Variants in RPS6KA2 observed in about 807,000 individuals in gnomAD.
RPS6KA2 encodes the protein ribosomal protein S6 kinase A2, also known as ribosomal protein S6 kinase alpha-2.
Under a neutral mutation model 91.8 loss-of-function variants are expected in RPS6KA2, and 42 were observed. The ratio of observed to expected loss-of-function variants is 0.46; its 90% CI spans 0.36 to 0.59. The LOEUF (loss-of-function observed/expected upper bound fraction) is 0.59, where lower values mean the gene tolerates loss of function less well. Among genes scored for constraint, RPS6KA2 ranks in the 20% least tolerant of loss-of-function variants. RPS6KA2 has a pLI of 0.00. For missense variants in RPS6KA2, 798 were observed against 978.5 expected, an observed-to-expected ratio of 0.82 and a Z score of 2.46; for synonymous variants, 414 against 393.6, an observed-to-expected ratio of 1.05 and a Z score of -0.61.
intron 16 of RPS6KA2, among the ~76,000 whole-genome samples, 188 bp downstream of exon 16, chr6:166,430,265 G>T (rs985246438): frequency 6.6e-6 from 1 of 152,148 alleles, no homozygotes; most frequent in African/African-American, 2.4e-5. Context: ...ACTGCACCCG[G>T]CTGGGAAGAG....
intron 14 of RPS6KA2, among the ~76,000 whole-genome samples, chr6:166,436,784 G>T (rs539067995): frequency 2.6e-4 from 40 of 152,302 alleles, no homozygotes; most frequent in African/African-American, 9.1e-4. Context: ...ACAGACTGGG[G>T]TCTCTCCTGC....
At chr6:166,718,927 T>G (rs186289027) in intron 2 of RPS6KA2, among the ~76,000 whole-genome samples, 1 of 152,236 alleles carries the variant, frequency 6.6e-6, no homozygotes, top group African/African-American at 2.4e-5. Context: ...CTTATTTGTG[T>G]GTCTGTATAC....
intron 2 of RPS6KA2, among the ~76,000 whole-genome samples, chr6:166,685,933 G>A (rs1475304290): frequency 2.0e-5 from 3 of 152,186 alleles, no homozygotes; most frequent in Admixed American, 1.3e-4. Context: ...TGGACGATGG[G>A]CCCATGCCCT....
chr6:166,538,620 C>CT, intron 2 of RPS6KA2, 48 bp downstream of exon 2: 2 of 1,089,336 alleles, frequency 1.8e-6, no homozygotes, highest in Non-Finnish European at 2.8e-6. Flanking sequence ...TCCAGGTGTC[C>CT]TTTGTGTTCA....
chr6:166,687,815 T>C (rs983306133), intron 2 of RPS6KA2, among the ~76,000 whole-genome samples: 1 of 152,238 alleles, frequency 6.6e-6, no homozygotes, highest in East Asian at 1.9e-4. Flanking sequence ...TGCACAGAGA[T>C]GCAAAATTGC....
chr6:166,717,136 A>G (rs1358272605), intron 2 of RPS6KA2, among the ~76,000 whole-genome samples: 4 of 152,168 alleles, frequency 2.6e-5, no homozygotes, highest in Admixed American at 1.3e-4. Flanking sequence ...AAGGAGGTGG[A>G]GTGTGTCTGT....
chr6:166,831,363 A>C (rs1780178158), intron 2 of RPS6KA2, among the ~76,000 whole-genome samples: 1 of 152,184 alleles, frequency 6.6e-6, no homozygotes, highest in Non-Finnish European at 1.5e-5. Flanking sequence ...GTCCGTGGCC[A>C]TGATGACTAT....
At chr6:166,556,122 G>A (rs947176076) in intron 1 of RPS6KA2, among the ~76,000 whole-genome samples, 14 of 152,302 alleles carry the variant, frequency 9.2e-5, no homozygotes, top group Admixed American at 5.9e-4. Flanking sequence ...TTGGGGAGCA[G>A]TGAATAGCCT....
rs2128434379 is a variant in RPS6KA2 at position 166,412,885 on chromosome 6, G to A, written c.2079C>T (p.Gly693=). ...LSRQDVHLVK[G]AMAATYFALN... ...GAGCAAAGTAGGTGGCGGCCATCGC[G>A]CCCTGCAAAACAGAAGACAAGGGTG... is the stretch of plus-strand genomic sequence containing the variant. Residue 693 remains glycine (G), a splice_region_variant and synonymous_variant, in exon 21 of 21, where the codon GGC becomes GGT. Coordinates refer to ENST00000265678, the MANE Select transcript of RPS6KA2 (RefSeq NM_021135.6). This position sits in a 1 kb window ranked among gnomAD's most constrained non-coding sequence, Gnocchi z 4.3. The A allele has an allele frequency of 1.3e-6, 2 of 1,552,716 alleles. No homozygotes were observed. The highest frequency in any genetic ancestry group is 2.4e-5 in the East Asian group (1 of 41,432).
chr6:166,574,972 TAAATG>T (rs1784796393), intron 1 of RPS6KA2, among the ~76,000 whole-genome samples: 1 of 152,196 alleles, frequency 6.6e-6, no homozygotes, highest in Non-Finnish European at 1.5e-5. Context: ...AGAATGATTT[TAAATG>T]AACAAATCGA....
chr6:166,634,663 C>T (rs1787179817), intron 2 of RPS6KA2, among the ~76,000 whole-genome samples: 1 of 152,168 alleles, frequency 6.6e-6, no homozygotes, highest in Admixed American at 6.5e-5. Flanking sequence ...CTCACTCTGT[C>T]CCCCAGGCTG....
intron 2 of RPS6KA2, among the ~76,000 whole-genome samples, chr6:166,834,578 T>C (rs7755752): frequency 0.64 from 96,978 of 152,034 alleles, 31,420 homozygotes; most frequent in Middle Eastern, 0.74. Flanking sequence ...GTTACTTATA[T>C]AACAAACCTG....
chr6:166,413,243 C>T (rs1001368601), intron 20 of RPS6KA2, among the ~76,000 whole-genome samples: 1 of 152,142 alleles, frequency 6.6e-6, no homozygotes, highest in African/African-American at 2.4e-5. Flanking sequence ...CTCGCTGGGT[C>T]CTAGGGGACA....
At position 166,495,795 on chromosome 6, in the gene RPS6KA2, G is replaced by A. The variant is rs1237892224; in HGVS notation, c.747+2713C>T. ...AAGCCAGGAGTGCTGAGAAGACACC[G>A]AAGCCAGAGCCACCAGCCAGAGCCA... is the stretch of plus-strand genomic sequence containing the variant. On this transcript the variant is annotated intron_variant, in intron 8 of 20. Coordinates refer to ENST00000265678, the MANE Select transcript of RPS6KA2 (RefSeq NM_021135.6). The surrounding 1 kb of genome is among the most constrained non-coding windows in gnomAD (Gnocchi z 4.4). Among the ~76,000 whole-genome samples the A allele has an allele frequency of 1.3e-5, 2 of 152,202 alleles. No homozygotes were observed. The highest frequency in any genetic ancestry group is 2.9e-5 in the Non-Finnish European group (2 of 68,038).
chr6:166,452,692 C>T (rs1432933861), intron 12 of RPS6KA2, among the ~76,000 whole-genome samples: 1 of 152,050 alleles, frequency 6.6e-6, no homozygotes, highest in African/African-American at 2.4e-5. Context: ...TCAACAAAAA[C>T]TTTGTGGGGA....
In RPS6KA2 at chr6:166,821,422, G is replaced by A. The variant is rs1333805759; in HGVS notation, c.123+36778C>T. Among the ~76,000 whole-genome samples, 1 of 152,090 alleles carries A rather than the reference G, an allele frequency of 6.6e-6. No homozygotes were observed. Among genetic ancestry groups the A allele is most frequent in the Non-Finnish European group, 1.5e-5 (1 of 68,022 alleles). ...GGGCTGTAGGATGGAGGGGTGGAGA[G>A]GCAGGCAGGCAGAAACACAGGAGGC... On this transcript the variant is annotated intron_variant, in intron 2 of 21. Transcript: ENST00000503859. This position sits in a 1 kb window ranked among gnomAD's most constrained non-coding sequence, Gnocchi z 4.1.
chr6:166,582,616 CT>C (rs2128517001), intron 1 of RPS6KA2, among the ~76,000 whole-genome samples: 1 of 152,258 alleles, frequency 6.6e-6, no homozygotes, highest in African/African-American at 2.4e-5. Flanking sequence ...ATGCATACAT[CT>C]TATTTTGGAA....
rs1251013825 is a variant in RPS6KA2, at chr6:166,635,680, C to A, written c.124-96896G>T. On this transcript the variant is annotated intron_variant, in intron 2 of 21. Transcript: ENST00000503859. The surrounding 1 kb of genome is among the most constrained non-coding windows in gnomAD (Gnocchi z 4.8). Reference sequence around the variant, plus strand: ...TTTACCCCAGAAGAGGAGGAAGAGCCCGGGAGGCTTTGGCAGGAGGATGCC... The same window carrying A: ...TTTACCCCAGAAGAGGAGGAAGAGCACGGGAGGCTTTGGCAGGAGGATGCC... 6.6e-6 allele frequency among the ~76,000 whole-genome samples: 1 copy of A among 152,032 alleles called. No individual in the cohort carries two copies. The highest frequency in any genetic ancestry group is 1.9e-4 in the East Asian group (1 of 5,166).
intron 2 of RPS6KA2, among the ~76,000 whole-genome samples, chr6:166,822,441 C>T (rs1309730724): frequency 6.6e-6 from 1 of 152,184 alleles, no homozygotes; most frequent in African/African-American, 2.4e-5. Context: ...CCCGGCAAGC[C>T]AAAGAGAGGT....
Sources: gnomAD v4.1 joint callset for allele counts (sites outside exome capture counted in the v4.1 genomes callset) on GRCh38, gnomAD v4.1.1 for gene constraint, Gnocchi (gnomAD v3.1) non-coding constraint, MANE v1.5 for transcripts, NCBI Gene and HGNC (gene_info 2026-07-23, HGNC 2026-07-21) for gene names.